Variants in LAMC3 observed in about 807,000 individuals in gnomAD.
The protein encoded by LAMC3 is laminin subunit gamma-3.
A neutral mutation model predicts 173.8 loss-of-function variants in LAMC3; 128 were observed. The ratio of observed to expected loss-of-function variants is 0.74; its 90% CI spans 0.64 to 0.85. LAMC3 has a LOEUF of 0.85. LAMC3 is among the 40% of genes least tolerant of loss of function. The probability of loss-of-function intolerance (pLI) is 0.00; values close to 1 mark genes in which losing one functional copy is unlikely to be tolerated. For missense variants in LAMC3, 2,022 were observed against 2,156.0 expected, an observed-to-expected ratio of 0.94 and a Z score of 1.23; for synonymous variants, 897 against 909.1, an observed-to-expected ratio of 0.99 and a Z score of 0.24.
chr9:131,021,892 C>T (rs547443370), intron 1 of LAMC3, among the ~76,000 whole-genome samples: 44 of 152,248 alleles, frequency 2.9e-4, no homozygotes, highest in African/African-American at 9.6e-4. Context: ...GGGTGAGGAA[C>T]GGTGAAGGGA....
rs143140281 is a variant in LAMC3 at position 131,067,866 on chromosome 9, C to G, written c.2594-212C>G. On this transcript the variant is annotated intron_variant, in intron 14 of 27. Coordinates refer to ENST00000361069, the MANE Select transcript of LAMC3 (RefSeq NM_006059.4). ...TCAGAAGGATTGTCTGTTACCATGA[C>G]CGTCCTGGGCTGTCCCTCTAAGGAT... 3.0e-3 allele frequency among the ~76,000 whole-genome samples: 454 copies of G among 152,286 alleles called. No individual in the cohort carries two copies. The highest frequency in any genetic ancestry group is 0.01 in the African/African-American group (433 of 41,554).
chr9:131,060,517 G>A (rs981299064), intron 12 of LAMC3, among the ~76,000 whole-genome samples: 4 of 152,046 alleles, frequency 2.6e-5, no homozygotes, highest in Admixed American at 6.6e-5. Flanking sequence ...GGTGACGCAC[G>A]CCTGTAACCC....
chr9:131,018,227 T>C (rs949607750), intron 1 of LAMC3, among the ~76,000 whole-genome samples: 1 of 150,308 alleles, frequency 6.7e-6, no homozygotes, highest in South Asian at 2.2e-4. Context: ...CTCTGCCTCC[T>C]ACGTTCGAGC....
At chr9:131,019,319 C>T (rs1013668994) in intron 1 of LAMC3, among the ~76,000 whole-genome samples, 5 of 152,232 alleles carry the variant, frequency 3.3e-5, no homozygotes, top group Non-Finnish European at 7.3e-5. Flanking sequence ...TACCTGTAAC[C>T]TCCCCTTGGG....
chr9:131,031,052 G>A (rs1022549334), intron 2 of LAMC3, among the ~76,000 whole-genome samples: 10 of 152,224 alleles, frequency 6.6e-5, no homozygotes, highest in Admixed American at 2.6e-4. Context: ...CCTGGCCAAG[G>A]CATCCTCTGG....
At chr9:131,050,688 A>C (rs1834265581) in intron 9 of LAMC3, among the ~76,000 whole-genome samples, 1 of 151,944 alleles carries the variant, frequency 6.6e-6, no homozygotes, top group Non-Finnish European at 1.5e-5. Context: ...GAATTGCTTG[A>C]ACCTGGGAGA....
intron 1 of LAMC3, among the ~76,000 whole-genome samples, chr9:131,019,009 TC>T (rs1237086295): frequency 6.6e-6 from 1 of 152,216 alleles, no homozygotes; most frequent in African/African-American, 2.4e-5. Context: ...ACGCCTCTAA[TC>T]CCAGCACTTT....
chr9:131,055,074 G>A (rs996127200), intron 11 of LAMC3, among the ~76,000 whole-genome samples: 1 of 152,082 alleles, frequency 6.6e-6, no homozygotes, highest in African/African-American at 2.4e-5. Flanking sequence ...CATTACAACC[G>A]TGTCACAGGG....
Position 131,077,421 on chromosome 9 carries a change from A to C in LAMC3, c.3777+87A>C. On this transcript the variant is annotated intron_variant, in intron 22 of 27. Transcript: ENST00000361069. Reference sequence around the variant, plus strand: ...GCTGGGCACGGTGGCTCACGCCTGTAATCGCAGCACTTTGGGAGGCCGAGG... The same window carrying C: ...GCTGGGCACGGTGGCTCACGCCTGTCATCGCAGCACTTTGGGAGGCCGAGG... 3.9e-6 allele frequency: 6 copies of C among 1,553,080 alleles called. No homozygotes were observed. In the South Asian group the frequency reaches 4.5e-5, roughly 12 times the overall value.
chr9:131,046,268 C>T (rs775441092), intron 8 of LAMC3, among the ~76,000 whole-genome samples: 2 of 142,176 alleles, frequency 1.4e-5, no homozygotes, highest in South Asian at 2.2e-4. Context: ...GATTGCACAG[C>T]ACAGCTCACT....
intron 9 of LAMC3, among the ~76,000 whole-genome samples, 172 bp downstream of exon 9, chr9:131,049,302 T>A (rs1834238239): frequency 6.6e-6 from 1 of 152,194 alleles, no homozygotes; most frequent in African/African-American, 2.4e-5. Flanking sequence ...AGGGCTGAGT[T>A]CCTTCTGGAG....
At chr9:131,021,081 A>G (rs1225617836) in intron 1 of LAMC3, 1 of 152,196 alleles carries the variant, frequency 6.6e-6, no homozygotes, top group East Asian at 1.9e-4. Flanking sequence ...GTAAACTCAA[A>G]TTGTAGGTTC....
chr9:131,053,560 C>T (rs999226414), intron 11 of LAMC3, among the ~76,000 whole-genome samples: 3 of 152,138 alleles, frequency 2.0e-5, no homozygotes, highest in South Asian at 2.1e-4. Context: ...ATAGGTCGGG[C>T]GCAGAAGCTC....
rs1038030424 is a variant in LAMC3, at chr9:131,009,929, G to A, written c.373+342G>A. Among the ~76,000 whole-genome samples the A allele has an allele frequency of 3.9e-5, 6 of 151,920 alleles. No individual in the cohort carries two copies. The highest frequency in any genetic ancestry group is 8.8e-5 in the Non-Finnish European group (6 of 67,974). The stretch of plus-strand genomic sequence containing the variant: ...AGCACTTTGGGAGGCCGAGGCGGGC[G>A]GATCACCTGAGGTCAGGAGTTCGAG... On this transcript the variant is annotated intron_variant, in intron 1 of 27. Transcript: ENST00000361069. The surrounding 1 kb of genome is among the most constrained non-coding windows in gnomAD (Gnocchi z 4.3).
Position 131,019,898 on chromosome 9 carries a change from G to A in LAMC3, c.374-6387G>A, listed in dbSNP as rs117045615. Among the ~76,000 whole-genome samples the A allele has an allele frequency of 4.7e-3, 703 of 150,450 alleles. 4 individuals carry two copies. Among genetic ancestry groups the A allele is most frequent in the Non-Finnish European group, 7.3e-3 (496 of 67,540 alleles). ...GCAGAGCCTCCCCCGGCCGGGCCCC[G>A]CACCGCCCACGCCAAACAGCAGGAG... On this transcript the variant is annotated intron_variant, in intron 1 of 27. Transcript: ENST00000361069.
chr9:131,032,230 C>A, intron 3 of LAMC3, 55 bp downstream of exon 3: 1 of 955,956 alleles, frequency 1.0e-6, no homozygotes. Flanking sequence ...AACCCGAGAG[C>A]GGAAGGTGGC....
chr9:131,032,829 C>T (rs1026363945), intron 3 of LAMC3, among the ~76,000 whole-genome samples: 4 of 152,126 alleles, frequency 2.6e-5, no homozygotes, highest in Admixed American at 6.5e-5. Flanking sequence ...CCACCACGCC[C>T]GGCTAATTTT....
chr9:131,041,534 A>G, intron 6 of LAMC3, 103 bp from the exon 7 acceptor site: 1 of 998,108 alleles, frequency 1.0e-6, no homozygotes, highest in Non-Finnish European at 1.5e-6. Flanking sequence ...CGTCAGCCTC[A>G]CTCCTGATGT....
chr9:131,015,071 G>A (rs1476403168), intron 1 of LAMC3, among the ~76,000 whole-genome samples: 1 of 152,186 alleles, frequency 6.6e-6, no homozygotes, highest in Non-Finnish European at 1.5e-5. Flanking sequence ...TTATTGTTAT[G>A]CCTATTTTGC....
Sources: allele counts gnomAD v4.1 joint callset (sites outside exome capture counted in the v4.1 genomes callset), GRCh38; gene constraint gnomAD v4.1.1; non-coding constraint Gnocchi (gnomAD v3.1); transcripts MANE v1.5; gene names NCBI Gene and HGNC (gene_info 2026-07-23, HGNC 2026-07-21).